The following NASP variants were observed in gnomAD, a reference collection of about 807,000 sequenced individuals.
NASP encodes the protein nuclear autoantigenic sperm protein, also known as NASP histone chaperone.
A neutral mutation model predicts 89.5 loss-of-function variants in NASP; 24 were observed. The ratio of observed to expected loss-of-function variants is 0.27; its 90% CI spans 0.19 to 0.38. The LOEUF (loss-of-function observed/expected upper bound fraction) is 0.38, where lower values mean the gene tolerates loss of function less well. Ranked by LOEUF, NASP falls within the 10% of genes least tolerant of loss-of-function variation. The probability of loss-of-function intolerance (pLI) is 1.00; values close to 1 mark genes in which losing one functional copy is unlikely to be tolerated. For missense variants in NASP, 848 were observed against 921.4 expected (o/e 0.92, Z 1.03); for synonymous variants, 306 against 324.7 (o/e 0.94, Z 0.62).
At chr1:45,615,250 CAAGG>C (rs1339483876) in intron 10 of NASP, 49 bp downstream of exon 10, 1 of 1,611,380 alleles carries the variant, frequency 6.2e-7, no homozygotes, top group South Asian at 1.1e-5. Context: ...CAGCAATTAA[CAAGG>C]AAGAAAACAG....
chr1:45,592,445 G>A (rs938112545), intron 2 of NASP, among the ~76,000 whole-genome samples: 2 of 152,116 alleles, frequency 1.3e-5, no homozygotes, highest in Non-Finnish European at 2.9e-5. Flanking sequence ...ATAAAATTTG[G>A]GTTCATGTGT....
At chr1:45,609,637 C>T (rs1213112910) in intron 6 of NASP, 1 of 152,206 alleles carries the variant, frequency 6.6e-6, no homozygotes, top group Non-Finnish European at 1.5e-5. Flanking sequence ...ACAGATATCA[C>T]AGTCCCTTAC....
At chr1:45,588,060 C>A (rs1365164242) in intron 1 of NASP, among the ~76,000 whole-genome samples, 11 of 149,344 alleles carry the variant, frequency 7.4e-5, no homozygotes, top group African/African-American at 2.7e-4. Flanking sequence ...GCTGACATGG[C>A]AAAACCCCGT....
rs541503098 is a variant in NASP, at chr1:45,617,284, A to G, written c.2158-179A>G. ...GGGGCCTGAAGTGATATGGTGGGAC[A>G]GATTAATACATTCTGAGAGTACAGG... On this transcript the variant is annotated intron_variant, in intron 13 of 14. Transcript: ENST00000350030. 3 of 628,506 alleles carry G rather than the reference A, an allele frequency of 4.8e-6. No homozygotes were observed. In the Admixed American group the frequency reaches 9.7e-5, roughly 20 times the overall value. The allele number at this position is 628,506 out of a possible 1,614,324, so 38.9% of individuals were successfully genotyped here. A position where few individuals can be genotyped will look rare whatever the true frequency, so the allele number is the denominator to read the frequency against.
chr1:45,614,478 T>C (rs1644068399), intron 9 of NASP, 112 bp downstream of exon 9: 1 of 806,732 alleles, frequency 1.2e-6, no homozygotes, highest in Admixed American at 2.2e-5. Context: ...CTGTGTTCCC[T>C]GTAGACCCTG....
At chr1:45,617,269 G>A in intron 13 of NASP, 194 bp from the exon 14 acceptor site, 1 of 568,208 alleles carries the variant, frequency 1.8e-6, no homozygotes, top group Non-Finnish European at 3.0e-6. Context: ...GGGGCCTGAA[G>A]TGATATGGTG....
chr1:45,604,749 T>C (rs531454965), intron 3 of NASP, among the ~76,000 whole-genome samples, 187 bp from the exon 4 acceptor site: 32 of 152,348 alleles, frequency 2.1e-4, no homozygotes, highest in African/African-American at 7.7e-4. Flanking sequence ...ATATATATTA[T>C]ATATTGATAA....
chr1:45,613,322 C>A (rs1644048695), intron 7 of NASP, 74 bp downstream of exon 7: 9 of 1,509,296 alleles, frequency 6.0e-6, no homozygotes, highest in Non-Finnish European at 8.0e-6. Context: ...CTCTTGTTGC[C>A]TAGGCTGGAT....
chr1:45,608,204 G>A lies in NASP; in HGVS notation c.1293G>A (p.Glu431=). Residue 431 remains glutamate (E), a synonymous_variant, in exon 6 of 15, where the codon GAG becomes GAA. Transcript: ENST00000350030. The part of the protein sequence containing the change: ...SQEETKLSVE[E]SEAAGDGVDT... ...AGGAGACTAAGCTGTCTGTAGAAGAGTCTGAGGCAGCTGGAGATGGGGTTG... is the reference window on the plus strand; with the variant it reads ...AGGAGACTAAGCTGTCTGTAGAAGAATCTGAGGCAGCTGGAGATGGGGTTG... The A allele has an allele frequency of 6.2e-7, 1 of 1,614,220 alleles. No individual in the cohort carries two copies. Among genetic ancestry groups the A allele is most frequent in the Non-Finnish European group, 8.5e-7 (1 of 1,180,032 alleles).
chr1:45,603,671 G>A (rs1444510920), intron 3 of NASP, among the ~76,000 whole-genome samples: 2 of 149,696 alleles, frequency 1.3e-5, no homozygotes, highest in Admixed American at 6.7e-5. Flanking sequence ...GTGCGATGGC[G>A]CGATGTCAGC....
At chr1:45,596,765 G>C (rs1643706527) in intron 2 of NASP, among the ~76,000 whole-genome samples, 1 of 151,754 alleles carries the variant, frequency 6.6e-6, no homozygotes, top group South Asian at 2.1e-4. Context: ...GCTGAGGCGA[G>C]AGAATCAGGA....
intron 2 of NASP, among the ~76,000 whole-genome samples, chr1:45,596,368 TTC>T (rs1465623463): frequency 6.6e-6 from 1 of 152,220 alleles, no homozygotes; most frequent in African/African-American, 2.4e-5. Flanking sequence ...AACTCCCTCT[TTC>T]TGTCTTCCCT....
chr1:45,588,598 T>C, intron 1 of NASP: 1 of 451,824 alleles, frequency 2.2e-6, no homozygotes, highest in Admixed American at 2.4e-5. Flanking sequence ...TATCTTTGAC[T>C]ATTCGATGGG....
intron 2 of NASP, chr1:45,600,356 T>C (rs1266155443): frequency 7.9e-7 from 1 of 1,258,480 alleles, no homozygotes; most frequent in Non-Finnish European, 1.0e-6. Flanking sequence ...TTTTTCCTCA[T>C]GTGCCTTTGT....
chr1:45,616,301 A>G (rs370900880), intron 11 of NASP, 36 bp from the exon 12 acceptor site: 49 of 1,606,186 alleles, frequency 3.1e-5, no homozygotes, highest in Middle Eastern at 1.6e-4. Flanking sequence ...CCTGGGTTCT[A>G]TCTTCAAACT....
intron 1 of NASP, chr1:45,588,848 C>T (rs560172050): frequency 2.1e-4 from 52 of 244,520 alleles, no homozygotes; most frequent in Non-Finnish European, 3.7e-4. Flanking sequence ...ACCCGGGAGG[C>T]GGAGCTTGCA....
In NASP at chr1:45,614,093, T is replaced by C; in HGVS notation, c.1507-3T>C. The C allele has an allele frequency of 1.9e-6, 3 of 1,575,420 alleles. No individual in the cohort carries two copies. Among genetic ancestry groups the C allele is most frequent in the Non-Finnish European group, 2.6e-6 (3 of 1,144,924 alleles). On this transcript the variant is annotated splice_polypyrimidine_tract_variant and splice_region_variant and intron_variant, in intron 7 of 14. Transcript: ENST00000350030. ...ATCTTTTTATTATTTGGTTATACTT[T>C]AGTCTCTTCAAGAAAATGAGGAGGA... is the stretch of plus-strand genomic sequence containing the variant.
At chr1:45,599,953 A>ATTTTTTTTTTTTTTTTTTTTTTTGTT (rs11302173) in intron 2 of NASP, among the ~76,000 whole-genome samples, 1 of 79,074 alleles carries the variant, frequency 1.3e-5, no homozygotes, top group Non-Finnish European at 2.4e-5. Flanking sequence ...TTTCCTCTGT[A>ATTTTTTTTTTTTTTTTTTTTTTTGTT]TTTTTTTTTT....
intron 1 of NASP, among the ~76,000 whole-genome samples, chr1:45,590,542 T>C (rs1643512513): frequency 7.1e-6 from 1 of 139,996 alleles, no homozygotes; most frequent in African/African-American, 2.7e-5. Flanking sequence ...AGAGCAAGAC[T>C]CTGTCTCAAA....
Sources: allele counts gnomAD v4.1 joint callset (sites outside exome capture counted in the v4.1 genomes callset), GRCh38; gene constraint gnomAD v4.1.1; transcripts MANE v1.5; gene names NCBI Gene and HGNC (gene_info 2026-07-23, HGNC 2026-07-21).